SYN1: variants seen among roughly 807,000 people sequenced by gnomAD.
SYN1 encodes synapsin I, also known as synapsin-1.
SYN1 carries 8 observed loss-of-function variants against 44.6 expected under a neutral mutation model. The ratio of observed to expected loss-of-function variants is 0.18; its 90% CI spans 0.11 to 0.32. The LOEUF is 0.32. Ranked by LOEUF, SYN1 falls within the 10% of genes least tolerant of loss-of-function variation. The pLI is 1.00. For synonymous variants in SYN1, 275 were observed against 280.1 expected (o/e 0.98, Z 0.18); for missense variants, 451 against 639.4 (o/e 0.71, Z 3.18).
chrX:47,601,762 C>G (rs6609539), intron 5 of SYN1, among the ~76,000 whole-genome samples: 7,879 of 111,572 alleles, frequency 0.071, 606 homozygotes, highest in East Asian at 0.24. Context: ...ATACAATAAT[C>G]CTTAACAAAA....
intron 1 of SYN1, among the ~76,000 whole-genome samples, chrX:47,609,469 C>G (rs1400310890): frequency 8.9e-6 from 1 of 112,483 alleles, no homozygotes; most frequent in Non-Finnish European, 1.9e-5. Flanking sequence ...GAGCCAGCCT[C>G]TTCCTCTGCT....
chrX:47,619,794 G>C lies in SYN1; in HGVS notation c.-66C>G, dbSNP rs1018001273. On this transcript the variant is annotated 5_prime_UTR_variant, in exon 1 of 13. Transcript: ENST00000295987. ...CAGGAGCCGCGGGGGCGGACTGCGC[G>C]GTGCCCAGGAGCACAGCTGCGCTCT... 3.7e-6 allele frequency: 4 copies of C among 1,086,162 alleles called. No homozygotes were observed. In the African/African-American group the frequency reaches 7.4e-5, roughly 20 times the overall value. 89.5% of individuals were successfully genotyped at this position (1,086,162 alleles called of 1,213,427 possible). A position where few individuals can be genotyped will look rare whatever the true frequency, so the allele number is the denominator to read the frequency against.
At chrX:47,614,720 AG>A (rs2057926322) in intron 1 of SYN1, among the ~76,000 whole-genome samples, 1 of 111,677 alleles carries the variant, frequency 9.0e-6, no homozygotes, top group African/African-American at 3.3e-5. Context: ...GATGGCTCAT[AG>A]GTGTCCCTCA....
chrX:47,582,144 G>C (rs2057800547), intron 5 of SYN1, among the ~76,000 whole-genome samples: 1 of 112,524 alleles, frequency 8.9e-6, no homozygotes, highest in South Asian at 3.6e-4. Flanking sequence ...TAGGGGACTG[G>C]GCCGGGGGAA....
chrX:47,588,972 T>C (rs1186265863), intron 5 of SYN1, among the ~76,000 whole-genome samples: 2 of 110,639 alleles, frequency 1.8e-5, no homozygotes, highest in Non-Finnish European at 3.8e-5. Context: ...GTTTACGGGG[T>C]GTCTTTGCCC....
In SYN1 at chrX:47,574,501, C is replaced by T; in HGVS notation, c.1483G>A (p.Gly495Ser). The T allele has an allele frequency of 9.3e-7, 1 of 1,079,780 alleles. No homozygotes were observed. Among genetic ancestry groups the T allele is most frequent in the Non-Finnish European group, 1.2e-6 (1 of 836,647 alleles). 89.0% of individuals were successfully genotyped at this position (1,079,780 alleles called of 1,213,427 possible). The part of the protein sequence containing the change: ...PPPQGQQHLS[G>S]LGPPAGSPLP... The stretch of plus-strand genomic sequence containing the variant: ...GGGCTGCCAGCTGGGGGTCCAAGGC[C>T]TGAAAGGTGCTGCTGGCCCTGCGGG... Residue 495 changes from glycine (G) to serine (S), a missense_variant, in exon 12 of 13, where the codon GGC becomes AGC. By Grantham distance (56) the Gly-to-Ser change is moderately conservative. Transcript: ENST00000295987.
rs747837656 is a variant in SYN1 at position 47,619,492 on chromosome X, C to A, written c.237G>T (p.Ser79=). ...GSSGGGGFFS[S]LSNAVKQTTA... is the part of the protein sequence containing the mutation. ...TGGTCTGCTTGACCGCGTTGGACAGCGACGAGAAGAAGCCACCGCCCCCCG... is the reference window on the plus strand; with the variant it reads ...TGGTCTGCTTGACCGCGTTGGACAGAGACGAGAAGAAGCCACCGCCCCCCG... Residue 79 remains serine, a synonymous_variant, in exon 1 of 13, where the codon TCG becomes TCT. Transcript: ENST00000295987. 3.3e-6 allele frequency: 4 copies of A among 1,198,164 alleles called. No individual in the cohort carries two copies. The South Asian group carries it at 7.1e-5, about 21-fold the overall frequency.
At chrX:47,586,211 C>G (rs746298231) in intron 5 of SYN1, 8 of 753,071 alleles carry the variant, frequency 1.1e-5, no homozygotes, top group Non-Finnish European at 1.3e-5. Context: ...AGCCGCCAAC[C>G]GGGTGGGGCC....
intron 5 of SYN1, among the ~76,000 whole-genome samples, chrX:47,591,638 T>A (rs2147922394): frequency 9.2e-6 from 1 of 108,825 alleles, no homozygotes; most frequent in South Asian, 4.1e-4. Context: ...GGAGAATTGC[T>A]TGAACTCAGG....
intron 5 of SYN1, chrX:47,583,307 T>TC (rs2057807548): frequency 9.3e-6 from 6 of 648,553 alleles, no homozygotes; most frequent in Admixed American, 6.7e-5. Context: ...AGCCCCCTAA[T>TC]CCCCCCCATA....
At chrX:47,596,023 T>C (rs770336979) in intron 5 of SYN1, among the ~76,000 whole-genome samples, 20 of 112,466 alleles carry the variant, frequency 1.8e-4, no homozygotes, top group African/African-American at 6.4e-4. Flanking sequence ...ACACATCCCC[T>C]TCTCCTCACC....
intron 5 of SYN1, among the ~76,000 whole-genome samples, chrX:47,583,928 C>T (rs2057811150): frequency 8.9e-6 from 1 of 111,812 alleles, no homozygotes; most frequent in Non-Finnish European, 1.9e-5. Context: ...TATTCAGGAC[C>T]ATGGTGATGG....
In SYN1 at chrX:47,574,146, G is replaced by A; in HGVS notation, c.1838C>T (p.Thr613Ile). ...QASQAGPVPR[T>I]GPPTTQQPRP... Reference sequence around the variant, plus strand: ...AGGCTGCTGCGTGGTGGGTGGCCCAGTGCGGGGCACGGGACCCGCCTGGCT... The same window carrying A: ...AGGCTGCTGCGTGGTGGGTGGCCCAATGCGGGGCACGGGACCCGCCTGGCT... The change falls in exon 12 of 13, where the codon ACT (threonine) becomes ATT (isoleucine). Residue 613 changes from threonine (T) to isoleucine (I), a missense_variant. Thr to Ile is a moderately conservative substitution (Grantham distance 89). Around this residue, in one of 3 missense-constraint regions of SYN1, gnomAD observed 127 missense variants for 154.8 expected, o/e 0.82. Coordinates refer to ENST00000295987, the MANE Select transcript of SYN1 (RefSeq NM_006950.3). 1 of 1,068,584 alleles carries A rather than the reference G, an allele frequency of 9.4e-7. No homozygotes were observed. The highest frequency in any genetic ancestry group is 1.2e-6 in the Non-Finnish European group (1 of 832,472). The allele number at this position is 1,068,584 out of a possible 1,213,427, so 88.1% of individuals were successfully genotyped here. A position where few individuals can be genotyped will look rare whatever the true frequency, so the allele number is the denominator to read the frequency against.
chrX:47,601,163 A>G (rs1248734164), intron 5 of SYN1, among the ~76,000 whole-genome samples: 1 of 112,052 alleles, frequency 8.9e-6, no homozygotes, highest in Non-Finnish European at 1.9e-5. Flanking sequence ...AGAAAATTCT[A>G]ATTACTAAAA....
intron 5 of SYN1, among the ~76,000 whole-genome samples, chrX:47,579,435 G>A (rs2147914880): frequency 9.0e-6 from 1 of 110,890 alleles, no homozygotes. Flanking sequence ...TTCCCCATCT[G>A]CACAAAGAGC....
intron 5 of SYN1, among the ~76,000 whole-genome samples, chrX:47,600,526 A>G (rs747907673): frequency 4.8e-4 from 54 of 111,713 alleles, no homozygotes; most frequent in African/African-American, 1.7e-3. Flanking sequence ...AAATGCTATA[A>G]ACCAATTAGA....
chrX:47,574,500 C>G lies in SYN1; in HGVS notation c.1484G>C (p.Gly495Ala). Residue 495 changes from glycine to alanine, a missense_variant, in exon 12 of 13, where the codon GGC becomes GCC. Transcript: ENST00000295987. ...GGGGCTGCCAGCTGGGGGTCCAAGGCCTGAAAGGTGCTGCTGGCCCTGCGG... is the reference window on the plus strand; with the variant it reads ...GGGGCTGCCAGCTGGGGGTCCAAGGGCTGAAAGGTGCTGCTGGCCCTGCGG... Reference protein sequence around the residue: ...PPPQGQQHLSGLGPPAGSPLP... With the variant: ...PPPQGQQHLSALGPPAGSPLP... 1 of 1,078,980 alleles carries G rather than the reference C, an allele frequency of 9.3e-7. No homozygotes were observed. The highest frequency in any genetic ancestry group is 1.2e-6 in the Non-Finnish European group (1 of 836,216). The allele number at this position is 1,078,980 out of a possible 1,213,427, so 88.9% of individuals were successfully genotyped here. A position where few individuals can be genotyped will look rare whatever the true frequency, so the allele number is the denominator to read the frequency against.
At chrX:47,588,586 C>T (rs2057835749) in intron 5 of SYN1, among the ~76,000 whole-genome samples, 1 of 112,427 alleles carries the variant, frequency 8.9e-6, no homozygotes, top group Admixed American at 9.4e-5. Context: ...TCAGGGGACA[C>T]AGAGCCCAGA....
intron 5 of SYN1, among the ~76,000 whole-genome samples, chrX:47,598,847 T>G (rs2057871634): frequency 9.3e-6 from 1 of 107,936 alleles, no homozygotes; most frequent in Admixed American, 1.0e-4. Flanking sequence ...AATAAATAAA[T>G]AAATAAAAAA....
Sources: gnomAD v4.1 joint callset for allele counts (sites outside exome capture counted in the v4.1 genomes callset) on GRCh38, gnomAD v4.1.1 for gene constraint, gnomAD v4.1.1 regional missense constraint, MANE v1.5 for transcripts, NCBI Gene and HGNC (gene_info 2026-07-23, HGNC 2026-07-21) for gene names.